DRICH1: variants seen among roughly 807,000 people sequenced by gnomAD.
The protein encoded by DRICH1 is aspartate-rich protein 1.
In DRICH1, 38 loss-of-function variants were observed where a neutral mutation model predicts 39.5. The observed-to-expected ratio is 0.96, with a 90% CI of 0.74 to 1.26. The LOEUF (loss-of-function observed/expected upper bound fraction) is 1.26, where lower values mean the gene tolerates loss of function less well. Ranked by LOEUF, DRICH1 falls within the 50% of genes most tolerant of loss-of-function variation. The probability of loss-of-function intolerance (pLI) is 0.00; values close to 1 mark genes in which losing one functional copy is unlikely to be tolerated. For missense variants in DRICH1, 279 were observed against 270.4 expected, an observed-to-expected ratio of 1.03 and a Z score of -0.22; for synonymous variants, 84 against 99.5, an observed-to-expected ratio of 0.84 and a Z score of 0.93.
At chr22:23,586,643 A>G in the DRICH1 span, among the ~76,000 whole-genome samples, 2 of 152,346 alleles carry the variant, frequency 1.3e-5, no homozygotes, top group African/African-American at 4.8e-5. Context: ...TCCCAGGTTC[A>G]AGTGGTTCTC....
downstream of DRICH1, among the ~76,000 whole-genome samples, chr22:23,605,502 G>A (rs1926677883): frequency 6.6e-6 from 1 of 152,154 alleles, no homozygotes; most frequent in Non-Finnish European, 1.5e-5. Context: ...AGGGTGTGGA[G>A]GCGGCACATA....
chr22:23,615,539 G>A (rs1927306486), intron 8 of DRICH1, among the ~76,000 whole-genome samples: 1 of 152,190 alleles, frequency 6.6e-6, no homozygotes, highest in Non-Finnish European at 1.5e-5. Context: ...AAGGCATCCT[G>A]TATTCATGGA....
downstream of DRICH1, among the ~76,000 whole-genome samples, chr22:23,605,725 G>C (rs556252036): frequency 6.6e-6 from 1 of 152,094 alleles, no homozygotes; most frequent in Non-Finnish European, 1.5e-5. Context: ...AAATTTAACA[G>C]GGGCCAGAAA....
intron 5 of DRICH1, among the ~76,000 whole-genome samples, 169 bp from the exon 6 acceptor site, chr22:23,619,562 CAG>C (rs1927588414): frequency 1.0e-5 from 1 of 96,198 alleles, no homozygotes; most frequent in Non-Finnish European, 2.2e-5. Flanking sequence ...GGAGGTATCA[CAG>C]ATATAGAATA....
chr22:23,624,879 G>A lies in DRICH1; in HGVS notation c.298+4C>T, dbSNP rs752733485. 3.7e-5 allele frequency: 59 copies of A among 1,613,100 alleles called. No homozygotes were observed. The African/African-American group carries it at 6.3e-4, about 17-fold the overall frequency. On this transcript the variant is annotated splice_donor_region_variant and intron_variant, in intron 3 of 11. Coordinates refer to ENST00000317749, the MANE Select transcript of DRICH1 (RefSeq NM_016449.4). ...CAGAAAGTGAGTTAGTTCAAGGTAC[G>A]TACCCTGGACAGGTGATGGTAAAAT...
rs746671748 is a variant in DRICH1 at position 23,626,075 on chromosome 22, T to C, written c.209-27A>G. On this transcript the variant is annotated intron_variant, in intron 1 of 11. Coordinates refer to ENST00000317749, the MANE Select transcript of DRICH1 (RefSeq NM_016449.4). ...TAAAAGGACACAGAGTTAATGTCAG[T>C]GCCCTGGTGGTTGGAGACTGGGAGT... 7 of 1,565,552 alleles carry C rather than the reference T, an allele frequency of 4.5e-6. No individual in the cohort carries two copies. The East Asian group carries it at 1.6e-4, about 35-fold the overall frequency.
intron 6 of DRICH1, among the ~76,000 whole-genome samples, chr22:23,618,968 T>C (rs1927545290): frequency 6.6e-6 from 1 of 151,874 alleles, no homozygotes; most frequent in Non-Finnish European, 1.5e-5. Context: ...GGTCAAGAGA[T>C]CGAGACCATC....
At position 23,622,109 on chromosome 22, in the gene DRICH1, ATCATCATCACAG is replaced by A; in HGVS notation, c.354_365del (p.Cys119_Asp122del). ...GTCTTACCTGGGCATCATCATCATC[ATCATCATCACAG>A]TCATCATCTTCACTTCGTGGTAGGC... On this transcript the variant is annotated inframe_deletion, in exon 4 of 12. Transcript: ENST00000317749. 6.2e-7 allele frequency: 1 copy of A among 1,613,748 alleles called. No individual in the cohort carries two copies. Among genetic ancestry groups the A allele is most frequent in the Non-Finnish European group, 8.5e-7 (1 of 1,179,680 alleles).
chr22:23,630,805 C>T (rs1928343411), intron 1 of DRICH1: 1 of 152,176 alleles, frequency 6.6e-6, no homozygotes, highest in East Asian at 1.9e-4. Context: ...CACTGCACTC[C>T]AGGTCCTCAC....
At chr22:23,621,294 C>T (rs569786786) in intron 4 of DRICH1, among the ~76,000 whole-genome samples, 4 of 152,112 alleles carry the variant, frequency 2.6e-5, no homozygotes, top group African/African-American at 9.6e-5. Context: ...TGCAAAATAG[C>T]TCGCTTTGTC....
At chr22:23,589,889 A>G in the DRICH1 span, among the ~76,000 whole-genome samples, 1 of 152,156 alleles carries the variant, frequency 6.6e-6, no homozygotes, top group African/African-American at 2.4e-5. Context: ...AACTGTTACC[A>G]CAGGACATGA....
the DRICH1 span, chr22:23,581,401 C>T: frequency 6.6e-6 from 1 of 152,274 alleles, no homozygotes. Context: ...GGGCCAGGCT[C>T]TTTTGCTGGT....
At chr22:23,613,528 T>C (rs1207123544) in intron 10 of DRICH1, 111 bp downstream of exon 10, 5 of 976,590 alleles carry the variant, frequency 5.1e-6, no homozygotes, top group South Asian at 3.9e-5. Flanking sequence ...GCAGAATCAC[T>C]TTCACGAGAA....
chr22:23,612,842 T>C (rs558072771), intron 11 of DRICH1, among the ~76,000 whole-genome samples: 3 of 152,182 alleles, frequency 2.0e-5, no homozygotes, highest in South Asian at 4.2e-4. Context: ...GTCCTGAAAG[T>C]TCAGAGGGTG....
At chr22:23,619,752 T>C (rs1255716344) in intron 5 of DRICH1, among the ~76,000 whole-genome samples, 1 of 152,242 alleles carries the variant, frequency 6.6e-6, no homozygotes, top group South Asian at 2.1e-4. Context: ...TCCCTCCATT[T>C]CCAAGACACT....
chr22:23,607,437 G>C (rs900167512), downstream of DRICH1, among the ~76,000 whole-genome samples: 1 of 152,104 alleles, frequency 6.6e-6, no homozygotes, highest in Non-Finnish European at 1.5e-5. Flanking sequence ...GCAGTGGTTG[G>C]GGAGTGTTCC....
At chr22:23,624,213 C>T in intron 3 of DRICH1, 1 of 985,420 alleles carries the variant, frequency 1.0e-6, no homozygotes, top group South Asian at 4.7e-5. Flanking sequence ...CAGAAGAATT[C>T]TGTCTCCAGG....
the DRICH1 span, among the ~76,000 whole-genome samples, chr22:23,600,925 G>A: frequency 3.3e-5 from 5 of 152,122 alleles, no homozygotes; most frequent in African/African-American, 9.6e-5. Context: ...ACCCACCTCG[G>A]CCTCCCAAAG....
chr22:23,602,527 A>T, the DRICH1 span, among the ~76,000 whole-genome samples: 1 of 152,252 alleles, frequency 6.6e-6, no homozygotes, highest in African/African-American at 2.4e-5. Flanking sequence ...TCTACTAAAA[A>T]TACAAAAATT....
Sources: allele counts gnomAD v4.1 joint callset (sites outside exome capture counted in the v4.1 genomes callset), GRCh38; gene constraint gnomAD v4.1.1; transcripts MANE v1.5; gene names NCBI Gene and HGNC (gene_info 2026-07-23, HGNC 2026-07-21).